FHIT: variants seen among roughly 807,000 people sequenced by gnomAD.
The protein encoded by FHIT is bis(5'-adenosyl)-triphosphatase.
FHIT carries 19 observed loss-of-function variants against 17.9 expected under a neutral mutation model. That is an observed-to-expected ratio of 1.06 (90% CI 0.74 to 1.56). The LOEUF (loss-of-function observed/expected upper bound fraction) is 1.56. FHIT is among the 40% of genes most tolerant of loss of function. The probability of loss-of-function intolerance (pLI) is 0.00; values close to 1 mark genes in which losing one functional copy is unlikely to be tolerated. For missense variants in FHIT, 248 were observed against 189.2 expected (o/e 1.31, Z -1.82); for synonymous variants, 81 against 69.7 (o/e 1.16, Z -0.81).
At chr3:61,230,878 A>G (rs979769568) in intron 1 of FHIT, among the ~76,000 whole-genome samples, 3 of 152,202 alleles carry the variant, frequency 2.0e-5, no homozygotes, top group Non-Finnish European at 4.4e-5. Flanking sequence ...ATTAAATTTG[A>G]TTCCTACACT....
At chr3:59,857,705 G>GTTTTTTGTTTTTT (rs1702218889) in intron 8 of FHIT, among the ~76,000 whole-genome samples, 1 of 115,436 alleles carries the variant, frequency 8.7e-6, no homozygotes, top group African/African-American at 3.6e-5. Flanking sequence ...AAAGTGCTGG[G>GTTTTTTGTTTTTT]TTTTTTTTTT....
At chr3:59,882,334 C>G (rs1167245941) in intron 8 of FHIT, among the ~76,000 whole-genome samples, 2 of 152,102 alleles carry the variant, frequency 1.3e-5, no homozygotes, top group African/African-American at 2.4e-5. Context: ...GAAACACCCT[C>G]ACATCTTCAA....
At chr3:60,244,961 AG>A (rs1310160171) in intron 5 of FHIT, among the ~76,000 whole-genome samples, 1 of 152,066 alleles carries the variant, frequency 6.6e-6, no homozygotes, top group African/African-American at 2.4e-5. Flanking sequence ...TAAAACATTC[AG>A]GTAGTGTGCA....
intron 3 of FHIT, among the ~76,000 whole-genome samples, chr3:60,844,466 C>G (rs1702852360): frequency 6.6e-6 from 1 of 152,038 alleles, no homozygotes; most frequent in African/African-American, 2.4e-5. Context: ...AAACCTGTTT[C>G]CTAAGACTTC....
chr3:60,121,358 T>C (rs571222409), intron 5 of FHIT, among the ~76,000 whole-genome samples: 53 of 152,242 alleles, frequency 3.5e-4, no homozygotes, highest in African/African-American at 1.3e-3. Context: ...CTTTTCATGG[T>C]TTCAGTTACC....
intron 5 of FHIT, among the ~76,000 whole-genome samples, chr3:60,284,008 T>C (rs189595835): frequency 1.4e-3 from 206 of 152,100 alleles, no homozygotes; most frequent in African/African-American, 4.7e-3. Flanking sequence ...TAAGTTGAGA[T>C]AGACAGCTCT....
intron 5 of FHIT, among the ~76,000 whole-genome samples, chr3:60,233,655 T>C (rs1161269748): frequency 6.6e-6 from 1 of 152,210 alleles, no homozygotes; most frequent in Non-Finnish European, 1.5e-5. Context: ...CTGATATAGT[T>C]TGGCTGTGTC....
At position 60,244,136 on chromosome 3, in the gene FHIT, G is replaced by T. The variant is rs190636517; in HGVS notation, c.104-229984C>A. Among the ~76,000 whole-genome samples the T allele has an allele frequency of 4.3e-3, 657 of 152,158 alleles. 3 individuals carry two copies. The highest frequency in any genetic ancestry group is 7.8e-3 in the Non-Finnish European group (530 of 67,980). On this transcript the variant is annotated intron_variant, in intron 5 of 9. Coordinates refer to ENST00000492590, the MANE Select transcript of FHIT (RefSeq NM_002012.4). ...TTCTGATCACAGCAATTCTCAGGCA[G>T]TTTAGGTGTAGTGATAAACCTAAAA...
At chr3:60,470,450 C>G (rs149655098) in intron 5 of FHIT, among the ~76,000 whole-genome samples, 306 of 152,112 alleles carry the variant, frequency 2.0e-3, no homozygotes, top group African/African-American at 7.1e-3. Flanking sequence ...CTGCCCTTCC[C>G]TCTCCTTTCC....
At chr3:60,740,423 T>C (rs576749600) in intron 4 of FHIT, among the ~76,000 whole-genome samples, 53 of 152,346 alleles carry the variant, frequency 3.5e-4, no homozygotes, top group Non-Finnish European at 5.9e-4. Context: ...AAATAACTTA[T>C]GTAAAGTGCT....
chr3:60,732,320 G>T, intron 4 of FHIT: 1 of 940,366 alleles, frequency 1.1e-6, no homozygotes, highest in Non-Finnish European at 1.7e-6. Context: ...AACCATTTGT[G>T]TTGGGTCCAG....
chr3:61,082,375 T>C (rs1195210961), intron 2 of FHIT, among the ~76,000 whole-genome samples: 1 of 152,238 alleles, frequency 6.6e-6, no homozygotes, highest in Non-Finnish European at 1.5e-5. Flanking sequence ...CTTCTGCTGT[T>C]AGAATGATCC....
chr3:60,019,780 A>G (rs1700484529), intron 5 of FHIT, among the ~76,000 whole-genome samples: 1 of 152,190 alleles, frequency 6.6e-6, no homozygotes, highest in Non-Finnish European at 1.5e-5. Flanking sequence ...AAATAGGGAG[A>G]GAAAGGTTAC....
intron 8 of FHIT, among the ~76,000 whole-genome samples, chr3:59,888,671 G>T (rs1423993646): frequency 5.9e-5 from 9 of 152,182 alleles, no homozygotes; most frequent in Non-Finnish European, 1.3e-4. Context: ...ACAGGGCTAT[G>T]ACTGGGTCCT....
intron 1 of FHIT, among the ~76,000 whole-genome samples, chr3:61,231,238 A>G (rs1212833937): frequency 6.6e-6 from 1 of 152,180 alleles, no homozygotes; most frequent in Non-Finnish European, 1.5e-5. Context: ...CTCATGCCTG[A>G]AACCCCATTT....
chr3:61,210,858 T>A (rs2039442873), intron 1 of FHIT, among the ~76,000 whole-genome samples: 1 of 151,662 alleles, frequency 6.6e-6, no homozygotes, highest in East Asian at 2.0e-4. Context: ...ACCTGGTACC[T>A]CAGTTGGAAA....
intron 4 of FHIT, among the ~76,000 whole-genome samples, chr3:60,620,965 T>C (rs112275800): frequency 0.012 from 1,860 of 152,084 alleles, 49 homozygotes; most frequent in African/African-American, 0.043. Context: ...AAAAAAGAAA[T>C]AGTGTATTGA....
chr3:61,152,902 G>A (rs1426749941), intron 2 of FHIT, among the ~76,000 whole-genome samples: 1 of 152,138 alleles, frequency 6.6e-6, no homozygotes, highest in Non-Finnish European at 1.5e-5. Flanking sequence ...CCAGCACTTT[G>A]GGAGGCTGAG....
chr3:60,553,278 T>C (rs901005031), intron 4 of FHIT: 22 of 309,472 alleles, frequency 7.1e-5, no homozygotes, highest in African/African-American at 4.5e-4. Flanking sequence ...ATGGTCAAAT[T>C]GGTTTCATTA....
Sources: allele counts gnomAD v4.1 joint callset (sites outside exome capture counted in the v4.1 genomes callset), GRCh38; gene constraint gnomAD v4.1.1; transcripts MANE v1.5; gene names NCBI Gene and HGNC (gene_info 2026-07-23, HGNC 2026-07-21).